Variants in GNPAT observed in about 807,000 individuals in gnomAD.
GNPAT encodes the protein dihydroxyacetone phosphate acyltransferase.
Under a neutral mutation model 78.4 loss-of-function variants are expected in GNPAT, and 30 were observed. The observed-to-expected ratio is 0.38, with a 90% CI of 0.29 to 0.52. The LOEUF (loss-of-function observed/expected upper bound fraction) is 0.52, where lower values mean the gene tolerates loss of function less well. Among genes scored for constraint, GNPAT ranks in the 20% least tolerant of loss-of-function variants. The pLI is 0.84. For missense variants in GNPAT, 714 were observed against 812.2 expected (o/e 0.88, Z 1.47); for synonymous variants, 271 against 281.1 (o/e 0.96, Z 0.36).
At chr1:231,259,355 AT>A (rs1349798480) in intron 2 of GNPAT, among the ~76,000 whole-genome samples, 1 of 152,190 alleles carries the variant, frequency 6.6e-6, no homozygotes, top group Admixed American at 6.5e-5. Flanking sequence ...TCACTTTAAA[AT>A]GATTAATTTG....
intron 9 of GNPAT, among the ~76,000 whole-genome samples, chr1:231,268,664 T>TTGGGAGGC (rs1187820626): frequency 6.6e-6 from 1 of 151,198 alleles, no homozygotes; most frequent in Non-Finnish European, 1.5e-5. Context: ...TCCCAGCACT[T>TTGGGAGGC]TGGGAGGCTG....
intron 9 of GNPAT, among the ~76,000 whole-genome samples, chr1:231,269,353 C>T (rs1309693314): frequency 6.6e-6 from 1 of 152,072 alleles, no homozygotes; most frequent in South Asian, 2.1e-4. Flanking sequence ...AAGTGTTGGC[C>T]CAGATGGGGT....
chr1:231,274,769 G>T, intron 12 of GNPAT: 1 of 231,664 alleles, frequency 4.3e-6, no homozygotes, highest in Non-Finnish European at 8.5e-6. Context: ...CTTGCACAAA[G>T]TCTAGCACTT....
intron 1 of GNPAT, 55 bp from the exon 2 acceptor site, chr1:231,250,906 T>A (rs1318049328): frequency 6.2e-6 from 7 of 1,130,878 alleles, no homozygotes; most frequent in Non-Finnish European, 6.7e-6. Flanking sequence ...TAGTCTTTAA[T>A]CTGTCCTGAT....
chr1:231,258,544 C>T (rs530098445), intron 2 of GNPAT, among the ~76,000 whole-genome samples: 17 of 151,172 alleles, frequency 1.1e-4, no homozygotes, highest in African/African-American at 4.1e-4. Context: ...TAAACAGGTC[C>T]GAGGCTTTAA....
In GNPAT at chr1:231,275,399, T is replaced by G. The variant is rs771189885; in HGVS notation, c.1844-6T>G. ...TCAACTAACTCTTCCTCACCCCCAA[T>G]TTTAGGTACCTCTCAATGTTATGAT... On this transcript the variant is annotated splice_region_variant and splice_polypyrimidine_tract_variant and intron_variant, in intron 13 of 15. Coordinates refer to ENST00000366647, the MANE Select transcript of GNPAT (RefSeq NM_014236.4). 1.2e-6 allele frequency: 2 copies of G among 1,600,180 alleles called. No individual in the cohort carries two copies. Among genetic ancestry groups the G allele is most frequent in the Non-Finnish European group, 1.7e-6 (2 of 1,167,364 alleles).
intron 9 of GNPAT, among the ~76,000 whole-genome samples, chr1:231,268,821 G>C (rs1685467185): frequency 6.6e-6 from 1 of 151,414 alleles, no homozygotes; most frequent in South Asian, 2.1e-4. Flanking sequence ...CAGGAAAATT[G>C]CTTGAACCTG....
At chr1:231,252,096 A>G (rs956579924) in intron 2 of GNPAT, among the ~76,000 whole-genome samples, 1 of 152,248 alleles carries the variant, frequency 6.6e-6, no homozygotes, top group East Asian at 1.9e-4. Context: ...ACAGTGTGAC[A>G]CAATCGGCTA....
At chr1:231,261,179 C>T (rs763846948) in intron 3 of GNPAT, among the ~76,000 whole-genome samples, 2 of 152,142 alleles carry the variant, frequency 1.3e-5, no homozygotes, top group Non-Finnish European at 2.9e-5. Context: ...CACCAGTTGT[C>T]CCAGTCATGT....
intron 11 of GNPAT, among the ~76,000 whole-genome samples, chr1:231,273,445 G>A (rs1685622905): frequency 6.6e-6 from 1 of 151,918 alleles, no homozygotes; most frequent in Non-Finnish European, 1.5e-5. Context: ...TAGAGACGGG[G>A]TTTCACTGTG....
intron 8 of GNPAT, among the ~76,000 whole-genome samples, 189 bp downstream of exon 8, chr1:231,266,596 A>C (rs1685396109): frequency 6.6e-6 from 1 of 152,214 alleles, no homozygotes; most frequent in African/African-American, 2.4e-5. Context: ...TGTTTGTCCC[A>C]AAAAAAGATA....
chr1:231,248,347 C>T lies in GNPAT; in HGVS notation c.79-2614C>T, dbSNP rs149975212. ...GGAGTGGATCGTCATTAATCCACTT[C>T]ATCCTCATCACTTCACATCGAGTAG... On this transcript the variant is annotated intron_variant, in intron 1 of 15. Transcript: ENST00000366647. Among the ~76,000 whole-genome samples the T allele has an allele frequency of 7.9e-5, 12 of 152,298 alleles. No homozygotes were observed. The East Asian group carries it at 2.3e-3, about 29-fold the overall frequency.
At chr1:231,262,902 T>C in intron 4 of GNPAT, 50 bp downstream of exon 4, 2 of 1,421,100 alleles carry the variant, frequency 1.4e-6, no homozygotes, top group Non-Finnish European at 2.0e-6. Flanking sequence ...AAAAGTTCAC[T>C]GGCATATTCT....
chr1:231,257,792 G>T (rs1368220355), intron 2 of GNPAT, among the ~76,000 whole-genome samples: 3 of 152,104 alleles, frequency 2.0e-5, no homozygotes, highest in African/African-American at 7.2e-5. Flanking sequence ...TTCTCTGCTG[G>T]ACATCTAATC....
In GNPAT at chr1:231,276,146, G is replaced by A. The variant is rs201099531; in HGVS notation, c.1949G>A (p.Cys650Tyr). 9.7e-5 allele frequency: 123 copies of A among 1,272,532 alleles called. 1 individual carries two copies. The Admixed American group carries it at 1.9e-3, about 20-fold the overall frequency. 78.8% of individuals were successfully genotyped at this position (1,272,532 alleles called of 1,614,324 possible). A position where few individuals can be genotyped will look rare whatever the true frequency, so the allele number is the denominator to read the frequency against. Residue 650 changes from cysteine to tyrosine, a missense_variant, in exon 15 of 16, where the codon TGT becomes TAT. Physicochemically the swap from Cys to Tyr is radical, Grantham distance 194. Coordinates refer to ENST00000366647, the MANE Select transcript of GNPAT (RefSeq NM_014236.4). ...TTATTTTCTCCTAGAAATAATAACT[G>A]TATATTTAATGTGAATGAACCTGCC... Reference protein sequence around the residue: ...VVEKKKINNNCIFNVNEPATT... With the variant: ...VVEKKKINNNYIFNVNEPATT...
At chr1:231,250,210 C>T (rs1684855270) in intron 1 of GNPAT, among the ~76,000 whole-genome samples, 1 of 151,918 alleles carries the variant, frequency 6.6e-6, no homozygotes, top group South Asian at 2.1e-4. Flanking sequence ...AGATTAGCCT[C>T]CCAAAGTGCT....
Position 231,251,116 on chromosome 1 carries a change from TGAG to T in GNPAT, c.238_240del (p.Glu80del), listed in dbSNP as rs1684883331. 6.3e-7 allele frequency: 1 copy of T among 1,589,008 alleles called. No individual in the cohort carries two copies. The highest frequency in any genetic ancestry group is 8.6e-7 in the Non-Finnish European group (1 of 1,159,670). ...ATATTAAATGTAGTGTTCTCAATTC[TGAG>T]GAGATTCATTATGTCATTAAACAGG... is the stretch of plus-strand genomic sequence containing the variant. On this transcript the variant is annotated inframe_deletion, in exon 2 of 16. Transcript: ENST00000366647.
intron 2 of GNPAT, 35 bp from the exon 3 acceptor site, chr1:231,260,456 CTTTTCTGTTATTGTTG>C: frequency 3.1e-6 from 4 of 1,310,708 alleles, no homozygotes; most frequent in Non-Finnish European, 4.4e-6. Context: ...AGCTTTCTGA[CTTTTCTGTTATTGTTG>C]TTAGAAATTA....
chr1:231,272,379 A>G lies in GNPAT; in HGVS notation c.1590A>G (p.Gly530=). 1 of 1,564,186 alleles carries G rather than the reference A, an allele frequency of 6.4e-7. No individual in the cohort carries two copies. Among genetic ancestry groups the G allele is most frequent in the Non-Finnish European group, 8.8e-7 (1 of 1,135,430 alleles). ...CAGATGAGTTCATCTTCCTTCCAGG[A>G]AACACACTAAAGGTAAAGTGCTTAC... ...VFADEFIFLP[G]NTLKDFEEGC... is the part of the protein sequence containing the mutation. Residue 530 remains glycine, a synonymous_variant, in exon 11 of 16, where the codon GGA becomes GGG. Coordinates refer to ENST00000366647, the MANE Select transcript of GNPAT (RefSeq NM_014236.4).
Sources: allele counts gnomAD v4.1 joint callset (sites outside exome capture counted in the v4.1 genomes callset), GRCh38; gene constraint gnomAD v4.1.1; transcripts MANE v1.5; gene names NCBI Gene and HGNC (gene_info 2026-07-23, HGNC 2026-07-21).